Variants in PPHLN1 observed in about 807,000 individuals in gnomAD.
The protein encoded by PPHLN1 is periphilin-1.
Under a neutral mutation model 51.3 loss-of-function variants are expected in PPHLN1, and 29 were observed. The observed-to-expected ratio is 0.57, with a 90% CI of 0.42 to 0.77. The LOEUF is 0.77. PPHLN1 is among the 30% of genes least tolerant of loss of function. The probability of loss-of-function intolerance (pLI) is 0.00; values close to 1 mark genes in which losing one functional copy is unlikely to be tolerated. For synonymous variants in PPHLN1, 147 were observed against 147.8 expected (o/e 0.99, Z 0.04); for missense variants, 436 against 438.4 (o/e 0.99, Z 0.05).
chr12:42,404,705 C>G lies in PPHLN1; in HGVS notation c.909+5711C>G, dbSNP rs2079140120. Among the ~76,000 whole-genome samples the G allele has an allele frequency of 2.0e-5, 3 of 152,118 alleles. No individual in the cohort carries two copies. In the South Asian group the frequency reaches 6.2e-4, roughly 32 times the overall value. On this transcript the variant is annotated intron_variant, in intron 9 of 9. Transcript: ENST00000358314. ...TTCCCCACCTCCTTCCTAATTTGTTCAAAATGAAATGTAAAAATACTATTA... is the reference window on the plus strand; with the variant it reads ...TTCCCCACCTCCTTCCTAATTTGTTGAAAATGAAATGTAAAAATACTATTA...
intron 9 of PPHLN1, among the ~76,000 whole-genome samples, chr12:42,435,187 TC>T (rs1159240238): frequency 6.6e-6 from 1 of 152,232 alleles, no homozygotes; most frequent in Non-Finnish European, 1.5e-5. Flanking sequence ...TTGGTTGAAT[TC>T]TATATATTTA....
intron 2 of PPHLN1, among the ~76,000 whole-genome samples, chr12:42,341,848 C>G (rs1374867823): frequency 5.3e-5 from 8 of 152,280 alleles, no homozygotes; most frequent in African/African-American, 1.9e-4. Flanking sequence ...GTCTCGATCT[C>G]CTGACCTCGT....
chr12:42,438,665 G>C (rs749501459), intron 9 of PPHLN1, among the ~76,000 whole-genome samples: 2 of 152,070 alleles, frequency 1.3e-5, no homozygotes, highest in Admixed American at 1.3e-4. Flanking sequence ...GCAGTGGCAC[G>C]ATCTCAGCTC....
At chr12:42,418,680 A>G (rs1002165492) in intron 9 of PPHLN1, among the ~76,000 whole-genome samples, 1 of 152,180 alleles carries the variant, frequency 6.6e-6, no homozygotes, top group African/African-American at 2.4e-5. Flanking sequence ...CCCTTTCCCT[A>G]AAATTTTTCT....
At chr12:42,402,289 C>A (rs940042107) in intron 9 of PPHLN1, among the ~76,000 whole-genome samples, 5 of 152,182 alleles carry the variant, frequency 3.3e-5, no homozygotes, top group African/African-American at 1.2e-4. Flanking sequence ...TTATTATAGT[C>A]ATAGCTATGC....
chr12:42,436,643 C>T (rs1354694568), intron 9 of PPHLN1, among the ~76,000 whole-genome samples: 1 of 152,148 alleles, frequency 6.6e-6, no homozygotes, highest in African/African-American at 2.4e-5. Flanking sequence ...TTCCAGGATC[C>T]TCAGTGGATC....
intron 3 of PPHLN1, among the ~76,000 whole-genome samples, chr12:42,354,830 A>G (rs1368333749): frequency 6.6e-6 from 1 of 152,208 alleles, no homozygotes; most frequent in Non-Finnish European, 1.5e-5. Context: ...GAAAAATGTG[A>G]GGTTGAGAAA....
chr12:42,428,679 T>G (rs1413222256), intron 9 of PPHLN1, among the ~76,000 whole-genome samples: 1 of 152,184 alleles, frequency 6.6e-6, no homozygotes, highest in Non-Finnish European at 1.5e-5. Flanking sequence ...GTATACTGCC[T>G]GCTCAGGTGA....
intron 9 of PPHLN1, among the ~76,000 whole-genome samples, chr12:42,434,029 G>C (rs759393041): frequency 2.0e-5 from 3 of 152,172 alleles, no homozygotes; most frequent in Non-Finnish European, 2.9e-5. Context: ...TACAAAGGTG[G>C]TATACTCAGA....
At chr12:42,395,812 T>A (rs2078149653) in intron 8 of PPHLN1, among the ~76,000 whole-genome samples, 1 of 152,224 alleles carries the variant, frequency 6.6e-6, no homozygotes, top group South Asian at 2.1e-4. Context: ...TTCATTATTA[T>A]GAGCTGAGAT....
chr12:42,336,646 A>G (rs912785898), intron 2 of PPHLN1, among the ~76,000 whole-genome samples: 2 of 152,208 alleles, frequency 1.3e-5, no homozygotes, highest in Non-Finnish European at 2.9e-5. Flanking sequence ...TGCTACATCT[A>G]GTACTTAGCA....
chr12:42,418,520 T>A (rs1178538818), intron 9 of PPHLN1, among the ~76,000 whole-genome samples: 1 of 152,030 alleles, frequency 6.6e-6, no homozygotes, highest in African/African-American at 2.4e-5. Context: ...TACCTCACCC[T>A]CCAAATTTCT....
intron 8 of PPHLN1, among the ~76,000 whole-genome samples, chr12:42,397,820 C>A (rs570871427): frequency 6.2e-4 from 94 of 152,242 alleles, no homozygotes; most frequent in African/African-American, 2.2e-3. Flanking sequence ...TGGCTCACTG[C>A]AACCTCTGCC....
At chr12:42,382,891 G>A (rs2076875063) in intron 5 of PPHLN1, among the ~76,000 whole-genome samples, 2 of 152,096 alleles carry the variant, frequency 1.3e-5, no homozygotes, top group Admixed American at 6.6e-5. Context: ...GCACATCAGC[G>A]GAAACTTTGG....
chr12:42,399,112 C>A, intron 9 of PPHLN1, 118 bp downstream of exon 9: 1 of 1,452,936 alleles, frequency 6.9e-7, no homozygotes, highest in Admixed American at 2.5e-5. Context: ...AAAACTACAA[C>A]TTAAAAAATT....
At chr12:42,395,518 A>G (rs1336992410) in intron 8 of PPHLN1, among the ~76,000 whole-genome samples, 1 of 152,098 alleles carries the variant, frequency 6.6e-6, no homozygotes, top group Non-Finnish European at 1.5e-5. Context: ...GCTTATTAAT[A>G]TTTTGCTAAT....
At chr12:42,355,129 A>C in intron 3 of PPHLN1, 32 bp from the exon 4 acceptor site, 1 of 1,601,960 alleles carries the variant, frequency 6.2e-7, no homozygotes, top group Non-Finnish European at 8.5e-7. Context: ...AATAATGTAA[A>C]CAAATAGCTA....
chr12:42,363,055 C>A lies in PPHLN1; in HGVS notation c.299+7833C>A, dbSNP rs75833803. On this transcript the variant is annotated intron_variant, in intron 4 of 9. Coordinates refer to ENST00000358314, the MANE Select transcript of PPHLN1 (RefSeq NM_201439.2). The stretch of plus-strand genomic sequence containing the variant: ...AGGCTTATATCATGTTACCCCTGGA[C>A]TTGGTACCAGAGAGAACTGACACAA... 7.2e-3 allele frequency among the ~76,000 whole-genome samples: 1,091 copies of A among 152,272 alleles called. 43 individuals carry two copies. In the East Asian group the frequency reaches 0.09, roughly 13 times the overall value.
Position 42,431,787 on chromosome 12 carries a change from C to G in PPHLN1, c.910-9528C>G. On this transcript the variant is annotated intron_variant, in intron 9 of 9. Transcript: ENST00000358314. ...GTCATTGCCAGAAGCACTAGTCGGG[C>G]TATTTATTGCCTTTTCTGAAGGACC... 3 of 1,105,320 alleles carry G rather than the reference C, an allele frequency of 2.7e-6. No individual in the cohort carries two copies. In the East Asian group the frequency reaches 7.1e-5, roughly 26 times the overall value. 68.5% of individuals were successfully genotyped at this position (1,105,320 alleles called of 1,614,324 possible). A position where few individuals can be genotyped will look rare whatever the true frequency, so the allele number is the denominator to read the frequency against.
Sources: allele counts gnomAD v4.1 joint callset (sites outside exome capture counted in the v4.1 genomes callset), GRCh38; gene constraint gnomAD v4.1.1; transcripts MANE v1.5; gene names NCBI Gene and HGNC (gene_info 2026-07-23, HGNC 2026-07-21).